Variants in DST observed in about 807,000 individuals in gnomAD.
DST encodes the protein bullous pemphigoid antigen.
Under a neutral mutation model 875.2 loss-of-function variants are expected in DST, and 253 were observed. That is an observed-to-expected ratio of 0.29 (90% CI 0.26 to 0.32). The LOEUF is 0.32. DST is among the 10% of genes least tolerant of loss of function. The pLI is 1.00. For missense variants in DST, 8,287 were observed against 9,111.6 expected, an observed-to-expected ratio of 0.91 and a Z score of 3.68; for synonymous variants, 3,124 against 3,197.1, an observed-to-expected ratio of 0.98 and a Z score of 0.77.
chr6:56,558,257 T>C (rs2097462188), intron 58 of DST, among the ~76,000 whole-genome samples: 1 of 152,186 alleles, frequency 6.6e-6, no homozygotes, highest in Admixed American at 6.5e-5. Flanking sequence ...TTTGTATTTT[T>C]TACATTGATA....
intron 62 of DST, among the ~76,000 whole-genome samples, chr6:56,535,591 T>A (rs1366498736): frequency 6.6e-6 from 1 of 152,242 alleles, no homozygotes; most frequent in Non-Finnish European, 1.5e-5. Flanking sequence ...TCAAATATTT[T>A]AGAGTTATCG....
chr6:56,779,069 C>T (rs1295055596), intron 4 of DST, among the ~76,000 whole-genome samples: 4 of 152,044 alleles, frequency 2.6e-5, no homozygotes, highest in African/African-American at 4.8e-5. Flanking sequence ...TTTTAATGAT[C>T]ACCATTCTAA....
chr6:56,773,747 G>C (rs1488790477), intron 4 of DST, among the ~76,000 whole-genome samples: 2 of 152,096 alleles, frequency 1.3e-5, no homozygotes, highest in African/African-American at 4.8e-5. Flanking sequence ...ACAGTATATA[G>C]AACAAAATAT....
rs540998564 is a variant in DST, at chr6:56,603,356, T to G, written c.11006A>C (p.Glu3669Ala). The change falls in exon 42 of 104, where the codon GAG (glutamate) becomes GCG (alanine). Residue 3669 changes from glutamate (E) to alanine (A), a missense_variant. By Grantham distance (107) the Glu-to-Ala change is moderately radical. Coordinates refer to ENST00000680361, the MANE Select transcript of DST (RefSeq NM_001374736.1). ...ILRKDMKLAEEFLKSLPSDFP... is the reference protein window; with the variant it reads ...ILRKDMKLAEAFLKSLPSDFP... ...GTCACTGGGAAGAGACTTTAAAAACTCTTCTGCCAACTTCATATCTTTTCT... is the reference window on the plus strand; with the variant it reads ...GTCACTGGGAAGAGACTTTAAAAACGCTTCTGCCAACTTCATATCTTTTCT... The G allele has an allele frequency of 2.5e-5, 40 of 1,611,190 alleles. No homozygotes were observed. The Admixed American group carries it at 5.0e-4, about 20-fold the overall frequency.
chr6:56,885,530 T>G (rs1240147385), intron 3 of DST, among the ~76,000 whole-genome samples: 1 of 152,178 alleles, frequency 6.6e-6, no homozygotes, highest in Admixed American at 6.5e-5. Context: ...AAAATTCATG[T>G]GTTGAAATTT....
At chr6:56,476,958 GA>G (rs990049817) in intron 91 of DST, among the ~76,000 whole-genome samples, 4 of 144,058 alleles carry the variant, frequency 2.8e-5, no homozygotes, top group Admixed American at 6.9e-5. Flanking sequence ...TCAAAAGAAA[GA>G]AAAAAAAAAG....
rs2094566833 is a variant in DST, at chr6:56,466,115, T to G, written c.22650A>C (p.Ala7550=). 1 of 1,613,358 alleles carries G rather than the reference T, an allele frequency of 6.2e-7. No homozygotes were observed. The highest frequency in any genetic ancestry group is 1.3e-5 in the African/African-American group (1 of 74,906). The part of the protein sequence containing the change: ...VMVRVGGGWM[A]LDEFLVKNDP... ...CATTTTTCACTAAGAACTCATCAAG[T>G]GCCATCCATCCACCTCCAACACGAA... Residue 7550 remains alanine (A), a synonymous_variant, in exon 99 of 104, where the codon GCA becomes GCC. Transcript: ENST00000680361.
In DST at chr6:56,485,296, T is replaced by C; in HGVS notation, c.21207+16A>G. The C allele has an allele frequency of 6.2e-7, 1 of 1,613,004 alleles. No homozygotes were observed. The highest frequency in any genetic ancestry group is 8.5e-7 in the Non-Finnish European group (1 of 1,179,280). On this transcript the variant is annotated intron_variant, in intron 88 of 103. Transcript: ENST00000680361. ...TAATCAAACAAGATAAAATAAAATGTCCCAGATAACAATACCTTGTGATTA... is the reference window on the plus strand; with the variant it reads ...TAATCAAACAAGATAAAATAAAATGCCCCAGATAACAATACCTTGTGATTA...
chr6:56,464,368 C>A (rs911678586), intron 100 of DST: 21 of 381,130 alleles, frequency 5.5e-5, no homozygotes, highest in African/African-American at 4.1e-4. Context: ...ATAACAAACA[C>A]CAGACCCAAG....
chr6:56,747,632 G>A (rs2099576492), intron 4 of DST, among the ~76,000 whole-genome samples: 1 of 152,098 alleles, frequency 6.6e-6, no homozygotes, highest in Non-Finnish European at 1.5e-5. Flanking sequence ...CTCTTAATCT[G>A]TAACATGCTA....
chr6:56,748,829 T>A (rs1030554118), intron 4 of DST, among the ~76,000 whole-genome samples: 1 of 152,040 alleles, frequency 6.6e-6, no homozygotes. Context: ...GAGGTAAGGG[T>A]GAATCAAACC....
At chr6:56,561,995 A>G (rs2152567348) in intron 56 of DST, 143 bp downstream of exon 56, 1 of 453,008 alleles carries the variant, frequency 2.2e-6, no homozygotes, top group East Asian at 3.5e-5. Flanking sequence ...TATAATTTTT[A>G]TGGAGATTGT....
intron 4 of DST, among the ~76,000 whole-genome samples, chr6:56,745,242 C>T (rs1473074953): frequency 6.6e-6 from 1 of 152,240 alleles, no homozygotes; most frequent in Non-Finnish European, 1.5e-5. Context: ...TTAGTCACTA[C>T]TGCAAAGTCC....
intron 40 of DST, 61 bp from the exon 41 acceptor site, chr6:56,603,774 T>G: frequency 6.3e-7 from 1 of 1,577,118 alleles, no homozygotes; most frequent in Non-Finnish European, 8.6e-7. Flanking sequence ...AAAGCAAATG[T>G]ATGGGATTAT....
At chr6:56,501,955 C>A (rs2152459423) in intron 78 of DST, among the ~76,000 whole-genome samples, 1 of 151,904 alleles carries the variant, frequency 6.6e-6, no homozygotes, top group East Asian at 1.9e-4. Flanking sequence ...TTGTTCTCTA[C>A]AATAAAAAAA....
intron 5 of DST, among the ~76,000 whole-genome samples, chr6:56,730,253 G>GTC (rs1183535855): frequency 6.6e-6 from 1 of 152,098 alleles, no homozygotes; most frequent in African/African-American, 2.4e-5. Context: ...CCTAAACACA[G>GTC]TCTCTCATGG....
chr6:56,606,362 A>G lies in DST; in HGVS notation c.8266T>C (p.Ser2756Pro). 1 of 1,613,196 alleles carries G rather than the reference A, an allele frequency of 6.2e-7. No individual in the cohort carries two copies. Among genetic ancestry groups the G allele is most frequent in the Non-Finnish European group, 8.5e-7 (1 of 1,179,526 alleles). Reference protein sequence around the residue: ...IVGGKESFTASLKFDDSGSWR... With the variant: ...IVGGKESFTAPLKFDDSGSWR... Reference sequence around the variant, plus strand: ...CTGCCACTGTCATCAAATTTTAATGATGCAGTGAAGCTCTCTTTTCCTCCT... The same window carrying G: ...CTGCCACTGTCATCAAATTTTAATGGTGCAGTGAAGCTCTCTTTTCCTCCT... Residue 2756 changes from serine (S) to proline (P), a missense_variant, in exon 40 of 104, where the codon TCA becomes CCA. Ser to Pro is a moderately conservative substitution (Grantham distance 74). This residue lies in a region of DST where 3,138 missense variants were observed against 3,116.6 expected (regional missense o/e 1.01). Coordinates refer to ENST00000680361, the MANE Select transcript of DST (RefSeq NM_001374736.1).
At chr6:56,696,804 CCTATT>C (rs1473184876) in intron 9 of DST, among the ~76,000 whole-genome samples, 1 of 152,084 alleles carries the variant, frequency 6.6e-6, no homozygotes, top group African/African-American at 2.4e-5. Context: ...AGTACATTTT[CCTATT>C]ACTTCATCCA....
intron 9 of DST, among the ~76,000 whole-genome samples, chr6:56,691,527 T>C (rs766281470): frequency 2.6e-5 from 4 of 152,192 alleles, no homozygotes; most frequent in African/African-American, 2.4e-5. Flanking sequence ...ATATTCTTTA[T>C]GTTCAGATTT....
Sources: allele counts gnomAD v4.1 joint callset (sites outside exome capture counted in the v4.1 genomes callset), GRCh38; gene constraint gnomAD v4.1.1; regional missense constraint gnomAD v4.1.1; transcripts MANE v1.5; gene names NCBI Gene and HGNC (gene_info 2026-07-23, HGNC 2026-07-21).